KCTD1: variants seen among roughly 807,000 people sequenced by gnomAD.
The protein encoded by KCTD1 is potassium channel tetramerization domain containing 1, also known as BTB/POZ domain-containing protein KCTD1.
Under a neutral mutation model 66.0 loss-of-function variants are expected in KCTD1, and 24 were observed. That is an observed-to-expected ratio of 0.36 (90% CI 0.26 to 0.51). The LOEUF (loss-of-function observed/expected upper bound fraction) is 0.51. Ranked by LOEUF, KCTD1 falls within the 20% of genes least tolerant of loss-of-function variation. The pLI, the probability that KCTD1 is intolerant of heterozygous loss-of-function variation, is 0.95. For synonymous variants in KCTD1, 511 were observed against 517.2 expected (o/e 0.99, Z 0.16); for missense variants, 943 against 1,205.2 (o/e 0.78, Z 3.22).
rs777247063 is a variant in KCTD1 at position 26,486,547 on chromosome 18, G to A, written c.1989-9888C>T. Among the ~76,000 whole-genome samples, 9 of 152,244 alleles carry A rather than the reference G, an allele frequency of 5.9e-5. No individual in the cohort carries two copies. In the East Asian group the frequency reaches 1.7e-3, roughly 29 times the overall value. On this transcript the variant is annotated intron_variant, in intron 2 of 4. Coordinates refer to ENST00000580059, the MANE Select transcript of KCTD1 (RefSeq NM_001142730.3). The stretch of plus-strand genomic sequence containing the variant: ...CCTATTCCTGGGTTTCTCAGTATTC[G>A]CAACCCTAAATACTGGACTGGGGCC...
At chr18:26,605,724 A>ATATATATC (rs1986997281) in intron 1 of KCTD1, among the ~76,000 whole-genome samples, 2 of 136,044 alleles carry the variant, frequency 1.5e-5, no homozygotes, top group African/African-American at 2.9e-5. Context: ...ATATATCTCT[A>ATATATATC]TATCTATCTA....
Position 26,547,049 on chromosome 18 carries a change from G to C in KCTD1, c.1488C>G (p.Pro496=), listed in dbSNP as rs1289520458. 5 of 1,489,404 alleles carry C rather than the reference G, an allele frequency of 3.4e-6. No individual in the cohort carries two copies. The highest frequency in any genetic ancestry group is 2.7e-6 in the Non-Finnish European group (3 of 1,115,368). 92.3% of individuals were successfully genotyped at this position (1,489,404 alleles called of 1,614,324 possible). ...GAARHHSHHP[P]THPSHHHRPQ... is the part of the protein sequence containing the mutation. ...GGCGGTGGTGGTGGGAGGGATGGGT[G>C]GGGGGGTGGTGGGAGTGGTGCCGTG... The change falls in exon 1 of 5, where the codon CCC becomes CCG. Residue 496 remains proline (P), a synonymous_variant. Coordinates refer to ENST00000580059, the MANE Select transcript of KCTD1 (RefSeq NM_001142730.3).
intron 2 of KCTD1, chr18:26,477,036 T>G (rs1209722702): frequency 6.0e-6 from 1 of 166,940 alleles, no homozygotes; most frequent in African/African-American, 2.4e-5. Context: ...AAACAGGTTC[T>G]ACTAAAAAAG....
intron 1 of KCTD1, among the ~76,000 whole-genome samples, chr18:26,597,725 C>T (rs1022554800): frequency 8.0e-5 from 12 of 149,096 alleles, no homozygotes; most frequent in Non-Finnish European, 1.5e-4. Context: ...ACGCTCTCAG[C>T]TCACTGCAAC....
rs762408903 is a variant in KCTD1, at chr18:26,455,896, G to A, written c.2445C>T (p.Leu815=). The A allele has an allele frequency of 9.3e-6, 15 of 1,612,816 alleles. No homozygotes were observed. The highest frequency in any genetic ancestry group is 1.3e-5 in the African/African-American group (1 of 74,862). The part of the protein sequence containing the change: ...GYCHLNSVQV[L]ERLQQRGFEI... ...CAAATCCTCTTTGCTGCAACCTCTC[G>A]AGGACCTGCGAGGGAACAAGACAAG... The change falls in exon 5 of 5, where the codon CTC becomes CTT. Residue 815 remains leucine (L), a synonymous_variant. Transcript: ENST00000580059.
chr18:26,602,390 G>A (rs1222401322), intron 1 of KCTD1, among the ~76,000 whole-genome samples: 1 of 152,162 alleles, frequency 6.6e-6, no homozygotes, highest in South Asian at 2.1e-4. Context: ...AGAAATGTGG[G>A]TATAGTTTTT....
chr18:26,513,112 T>G (rs1418047262), intron 1 of KCTD1, among the ~76,000 whole-genome samples: 14 of 144,006 alleles, frequency 9.7e-5, no homozygotes, highest in East Asian at 4.0e-4. Flanking sequence ...TTTTGAGACG[T>G]AGTCTCGCTG....
intron 1 of KCTD1, among the ~76,000 whole-genome samples, chr18:26,563,429 T>G (rs982963215): frequency 1.3e-5 from 2 of 152,216 alleles, no homozygotes; most frequent in African/African-American, 4.8e-5. Context: ...GTAATTGCTC[T>G]TCCTTGAAAA....
At chr18:26,495,293 G>A (rs150593079) in intron 2 of KCTD1, among the ~76,000 whole-genome samples, 81 of 152,294 alleles carry the variant, frequency 5.3e-4, no homozygotes, top group African/African-American at 1.9e-3. Flanking sequence ...ACAGTTACAA[G>A]GAAAGCCAAA....
At chr18:26,601,115 C>T (rs1986885476) in intron 1 of KCTD1, among the ~76,000 whole-genome samples, 1 of 151,922 alleles carries the variant, frequency 6.6e-6, no homozygotes, top group South Asian at 2.1e-4. Context: ...GGCCTGTCTG[C>T]CCACTTTAGA....
chr18:26,532,988 GA>G (rs1438460799), intron 1 of KCTD1, among the ~76,000 whole-genome samples: 1 of 152,200 alleles, frequency 6.6e-6, no homozygotes, highest in Non-Finnish European at 1.5e-5. Flanking sequence ...TAGAATAAGT[GA>G]AAGACCTGGG....
intron 2 of KCTD1, among the ~76,000 whole-genome samples, chr18:26,487,913 T>A (rs975885287): frequency 2.0e-5 from 3 of 152,246 alleles, no homozygotes; most frequent in Non-Finnish European, 2.9e-5. Context: ...ATTTTTTTCC[T>A]CTTCCTTTTA....
chr18:26,587,790 A>G (rs987343558), intron 1 of KCTD1, among the ~76,000 whole-genome samples: 1 of 152,234 alleles, frequency 6.6e-6, no homozygotes, highest in African/African-American at 2.4e-5. Flanking sequence ...GAGAACTAGA[A>G]TTAGAAGTGG....
rs1985242287 is a variant in KCTD1 at position 26,546,778 on chromosome 18, T to C, written c.1759A>G (p.Ser587Gly). Residue 587 changes from serine to glycine, a missense_variant, in exon 1 of 5, where the codon AGC becomes GGC. Ser to Gly is a moderately conservative substitution (Grantham distance 56). This residue lies in a region of KCTD1 where 197 missense variants were observed against 182.7 expected (regional missense o/e 1.08). Coordinates refer to ENST00000580059, the MANE Select transcript of KCTD1 (RefSeq NM_001142730.3). ...PLLPEANGHR[S>G]TNSPTIVSPA... Reference sequence around the variant, plus strand: ...GAAACTATTGTGGGAGAATTGGTGCTTCTGTGCCCATTGGCTTCTGGAAGA... The same window carrying C: ...GAAACTATTGTGGGAGAATTGGTGCCTCTGTGCCCATTGGCTTCTGGAAGA... 6.5e-7 allele frequency: 1 copy of C among 1,549,948 alleles called. No individual in the cohort carries two copies. Among genetic ancestry groups the C allele is most frequent in the Non-Finnish European group, 8.7e-7 (1 of 1,146,454 alleles).
intron 1 of KCTD1, among the ~76,000 whole-genome samples, chr18:26,580,316 A>C (rs1405231349): frequency 6.6e-6 from 1 of 152,086 alleles, no homozygotes; most frequent in Non-Finnish European, 1.5e-5. Context: ...TAATAGGTGG[A>C]CTGTGCAGTG....
At chr18:26,632,359 C>A (rs1987639361), upstream of KCTD1, among the ~76,000 whole-genome samples, 1 of 152,094 alleles carries the variant, frequency 6.6e-6, no homozygotes, top group South Asian at 2.1e-4. Flanking sequence ...GCACTCCAGC[C>A]TGGGTGACAG....
At chr18:26,461,163 G>C (rs1158647364) in intron 3 of KCTD1, among the ~76,000 whole-genome samples, 1 of 152,190 alleles carries the variant, frequency 6.6e-6, no homozygotes, top group African/African-American at 2.4e-5. Flanking sequence ...TTTGCACTTT[G>C]CTCTTTCTCT....
intron 1 of KCTD1, among the ~76,000 whole-genome samples, chr18:26,523,606 C>G (rs537165090): frequency 2.1e-5 from 3 of 139,904 alleles, no homozygotes; most frequent in Non-Finnish European, 4.6e-5. Flanking sequence ...GACAACACAG[C>G]GAGATCCTCT....
chr18:26,456,665 G>A (rs1980103907), intron 4 of KCTD1: 1 of 152,104 alleles, frequency 6.6e-6, no homozygotes, highest in Non-Finnish European at 1.5e-5. Context: ...CATAGAATCT[G>A]TTCCTTAATT....
Sources: gnomAD v4.1 joint callset for allele counts (sites outside exome capture counted in the v4.1 genomes callset) on GRCh38, gnomAD v4.1.1 for gene constraint, gnomAD v4.1.1 regional missense constraint, MANE v1.5 for transcripts, NCBI Gene and HGNC (gene_info 2026-07-23, HGNC 2026-07-21) for gene names.